The following VPS45 variants were observed in gnomAD, a reference collection of about 807,000 sequenced individuals.
VPS45 encodes vacuolar protein sorting-associated protein 45.
In VPS45, 35 loss-of-function variants were observed where a neutral mutation model predicts 75.9. The observed-to-expected ratio is 0.46, with a 90% confidence interval of 0.35 to 0.61. VPS45 has a LOEUF of 0.61. Among genes scored for constraint, VPS45 ranks in the 20% least tolerant of loss-of-function variants. The probability of loss-of-function intolerance (pLI) is 0.00; values close to 1 mark genes in which losing one functional copy is unlikely to be tolerated. For missense variants in VPS45, 559 were observed against 685.9 expected, an observed-to-expected ratio of 0.81 and a Z score of 2.07; for synonymous variants, 220 against 238.2, an observed-to-expected ratio of 0.92 and a Z score of 0.70.
At position 150,077,784 on chromosome 1, in the gene VPS45, A is replaced by G. The variant is rs1270978227; in HGVS notation, c.687+5A>G. On this transcript the variant is annotated splice_donor_5th_base_variant and intron_variant, in intron 7 of 14. Coordinates refer to ENST00000644510, the MANE Select transcript of VPS45 (RefSeq NM_007259.5). ...ATCACCCCATTGCTAAACCAGGTAC[A>G]AAACCCTTTCTTGGCATAATAGAAG... The G allele has an allele frequency of 6.9e-6, 11 of 1,604,114 alleles. No homozygotes were observed. In the Admixed American group the frequency reaches 1.3e-4, roughly 19 times the overall value.
chr1:150,124,221 G>A (rs1485732750), intron 14 of VPS45, among the ~76,000 whole-genome samples: 1 of 152,150 alleles, frequency 6.6e-6, no homozygotes, highest in Non-Finnish European at 1.5e-5. Flanking sequence ...AGCACTTTGG[G>A]AGGCCGAGGC....
chr1:150,145,019 T>C lies in VPS45; in HGVS notation c.*223T>C. ...ACCCACTTTTCTCCGGTAGTCTTTA[T>C]GTATCTGTTAGCACAATCACTTCAG... is the stretch of plus-strand genomic sequence containing the variant. On this transcript the variant is annotated 3_prime_UTR_variant, in exon 15 of 15. Coordinates refer to ENST00000644510, the MANE Select transcript of VPS45 (RefSeq NM_007259.5). 1 of 1,194,818 alleles carries C rather than the reference T, an allele frequency of 8.4e-7. No individual in the cohort carries two copies. Among genetic ancestry groups the C allele is most frequent in the Non-Finnish European group, 1.2e-6 (1 of 862,256 alleles). The allele number at this position is 1,194,818 out of a possible 1,614,324, so 74.0% of individuals were successfully genotyped here.
At chr1:150,139,677 C>T (rs962679408) in intron 14 of VPS45, among the ~76,000 whole-genome samples, 2 of 152,108 alleles carry the variant, frequency 1.3e-5, no homozygotes, top group Non-Finnish European at 2.9e-5. Context: ...CCTCAGCTTC[C>T]TGAGGAGCTG....
rs1463953707 is a variant in VPS45 at position 150,144,827 on chromosome 1, T to C, written c.*31T>C. The C allele has an allele frequency of 5.6e-6, 9 of 1,613,706 alleles. No individual in the cohort carries two copies. In the Admixed American group the frequency reaches 1.5e-4, roughly 27 times the overall value. ...TGGTTGGGGGAAGGGCACAGCTTCC[T>C]CTCTTGTCCCCACTACAGGTTTTCC... On this transcript the variant is annotated 3_prime_UTR_variant, in exon 15 of 15. Coordinates refer to ENST00000644510, the MANE Select transcript of VPS45 (RefSeq NM_007259.5).
At chr1:150,124,577 T>G (rs1235900545) in intron 14 of VPS45, among the ~76,000 whole-genome samples, 1 of 144,898 alleles carries the variant, frequency 6.9e-6, no homozygotes, top group Non-Finnish European at 1.5e-5. Flanking sequence ...AGACAGAGTC[T>G]CGCCCTGTCA....
chr1:150,094,543 CAGA>C (rs1656517917), intron 13 of VPS45, among the ~76,000 whole-genome samples: 1 of 2,192 alleles, frequency 4.6e-4, no homozygotes, highest in African/African-American at 2.0e-3. Flanking sequence ...TGGTACAGAA[CAGA>C]AAAAAAAATC....
chr1:150,136,324 T>C (rs12139248), intron 14 of VPS45, among the ~76,000 whole-genome samples: 39,020 of 147,936 alleles, frequency 0.26, 7,680 homozygotes, highest in African/African-American at 0.56. Context: ...GAGGCCGAGG[T>C]GGGTGGATCA....
intron 10 of VPS45, among the ~76,000 whole-genome samples, chr1:150,084,979 A>G (rs1655926950): frequency 6.6e-6 from 1 of 152,110 alleles, no homozygotes; most frequent in Non-Finnish European, 1.5e-5. Context: ...TAGTTATACC[A>G]GGGTCTTTAC....
chr1:150,096,655 G>A (rs1656672413), intron 13 of VPS45, among the ~76,000 whole-genome samples: 1 of 152,150 alleles, frequency 6.6e-6, no homozygotes, highest in Non-Finnish European at 1.5e-5. Flanking sequence ...AGGAAAGGAG[G>A]TCAGGAGAAA....
At chr1:150,075,131 A>T (rs1288820587) in intron 3 of VPS45, among the ~76,000 whole-genome samples, 1 of 89,970 alleles carries the variant, frequency 1.1e-5, no homozygotes, top group Non-Finnish European at 2.1e-5. Flanking sequence ...TTCAAATTTA[A>T]AATTGTCTTT....
chr1:150,092,974 C>T (rs1335641504), intron 12 of VPS45, among the ~76,000 whole-genome samples: 1 of 150,146 alleles, frequency 6.7e-6, no homozygotes, highest in East Asian at 2.0e-4. Flanking sequence ...TCTCGAGTAG[C>T]TGGGACTACA....
chr1:150,076,865 T>G, intron 4 of VPS45, 51 bp from the exon 5 acceptor site: 1 of 1,597,604 alleles, frequency 6.3e-7, no homozygotes, highest in Non-Finnish European at 8.6e-7. Context: ...ATATTACTGC[T>G]TGATACAATT....
intron 14 of VPS45, among the ~76,000 whole-genome samples, chr1:150,140,386 G>GTGTGTGTGT (rs1553815015): frequency 7.1e-6 from 1 of 140,346 alleles, no homozygotes; most frequent in African/African-American, 2.7e-5. Context: ...CATCACTTCT[G>GTGTGTGTGT]GTGTGTGTGT....
intron 10 of VPS45, chr1:150,083,270 AG>A (rs1304898052): frequency 6.3e-6 from 1 of 157,890 alleles, no homozygotes; most frequent in Non-Finnish European, 1.4e-5. Context: ...CAGAGTGGTT[AG>A]GAAGACTTTA....
chr1:150,069,484 T>C (rs1319187945), intron 2 of VPS45, among the ~76,000 whole-genome samples: 29 of 129,776 alleles, frequency 2.2e-4, no homozygotes, highest in Non-Finnish European at 3.3e-4. Context: ...TGAGATGGAG[T>C]CTCGCTCTGT....
chr1:150,067,397 C>T (rs782269699), upstream of VPS45: 25 of 157,936 alleles, frequency 1.6e-4, no homozygotes, highest in Non-Finnish European at 2.6e-4. Context: ...ACCTCCCTTG[C>T]CCTCATCTCT....
intron 14 of VPS45, among the ~76,000 whole-genome samples, chr1:150,112,930 G>A (rs781867744): frequency 6.6e-6 from 1 of 152,138 alleles, no homozygotes; most frequent in Non-Finnish European, 1.5e-5. Flanking sequence ...GGGGTGGGGT[G>A]TGGAGTCTCC....
intron 2 of VPS45, among the ~76,000 whole-genome samples, chr1:150,071,787 CA>C (rs58767428): frequency 2.2e-5 from 3 of 134,568 alleles, no homozygotes; most frequent in Non-Finnish European, 3.1e-5. Context: ...GACTTAATCT[CA>C]AAAAAAAAAA....
Position 150,076,467 on chromosome 1 carries a change from A to T in VPS45, c.369+155A>T. 5.6e-6 allele frequency: 3 copies of T among 537,746 alleles called. No individual in the cohort carries two copies. The East Asian group carries it at 1.0e-4, about 18-fold the overall frequency. The allele number at this position is 537,746 out of a possible 1,614,324, so 33.3% of individuals were successfully genotyped here. On this transcript the variant is annotated intron_variant, in intron 4 of 14. Coordinates refer to ENST00000644510, the MANE Select transcript of VPS45 (RefSeq NM_007259.5). ...CATAAATGAGGAATATTGTTTTCAG[A>T]GGCAGCAAATAAACTAGTTTTGAAT...
Sources: allele counts gnomAD v4.1 joint callset (sites outside exome capture counted in the v4.1 genomes callset), GRCh38; gene constraint gnomAD v4.1.1; transcripts MANE v1.5; gene names NCBI Gene and HGNC (gene_info 2026-07-23, HGNC 2026-07-21).